VMP1: variants seen among roughly 807,000 people sequenced by gnomAD.
The protein encoded by VMP1 is vacuole membrane protein 1, also known as ectopic P-granules autophagy protein 3 homolog.
Under a neutral mutation model 56.0 loss-of-function variants are expected in VMP1, and 11 were observed. That is an observed-to-expected ratio of 0.20 (90% CI 0.12 to 0.32). The LOEUF is 0.32. Ranked by LOEUF, VMP1 falls within the 10% of genes least tolerant of loss-of-function variation. The pLI, the probability that VMP1 is intolerant of heterozygous loss-of-function variation, is 1.00. For synonymous variants in VMP1, 149 were observed against 165.0 expected (o/e 0.90, Z 0.74); for missense variants, 296 against 490.3 (o/e 0.60, Z 3.74).
intron 1 of VMP1, among the ~76,000 whole-genome samples, chr17:59,722,938 A>T (rs540514953): frequency 3.3e-4 from 51 of 152,278 alleles, no homozygotes; most frequent in African/African-American, 1.2e-3. Flanking sequence ...CTCTTACATT[A>T]CCTCACTTTT....
At chr17:59,791,027 A>G (rs1378750776) in intron 7 of VMP1, among the ~76,000 whole-genome samples, 1 of 152,194 alleles carries the variant, frequency 6.6e-6, no homozygotes, top group Non-Finnish European at 1.5e-5. Flanking sequence ...GCATGAAATC[A>G]TAACTTCGCA....
intron 7 of VMP1, among the ~76,000 whole-genome samples, chr17:59,775,290 T>C (rs968951597): frequency 6.6e-6 from 1 of 151,748 alleles, no homozygotes; most frequent in South Asian, 2.1e-4. Context: ...TGGCGTATGC[T>C]TGTAGTCCTA....
Position 59,831,683 on chromosome 17 carries a change from C to G in VMP1, c.975-6612C>G, listed in dbSNP as rs1598460025. Among the ~76,000 whole-genome samples, 3 of 133,098 alleles carry G rather than the reference C, an allele frequency of 2.3e-5. No homozygotes were observed. The South Asian group carries it at 6.9e-4, about 31-fold the overall frequency. The allele number at this position is 133,098 out of a possible 152,430, so 87.3% of individuals were successfully genotyped here. ...TTGTCTTAGGTCTGTTTAACAGATT[C>G]TAGGTATGTAAGCATGGGAAAATAT... On this transcript the variant is annotated intron_variant, in intron 10 of 11. Transcript: ENST00000262291.
At chr17:59,839,704 C>T in intron 11 of VMP1, 64 bp from the exon 12 acceptor site, 1 of 1,535,872 alleles carries the variant, frequency 6.5e-7, no homozygotes, top group Non-Finnish European at 8.7e-7. Context: ...TATAGATGAT[C>T]CTCTTTTTAC....
chr17:59,717,781 A>G (rs1393651571), intron 1 of VMP1, among the ~76,000 whole-genome samples: 1 of 152,144 alleles, frequency 6.6e-6, no homozygotes, highest in Non-Finnish European at 1.5e-5. Flanking sequence ...TTAGCTAGGC[A>G]TGGTGGTGCG....
chr17:59,809,477 C>T (rs2037973428), intron 8 of VMP1, among the ~76,000 whole-genome samples: 1 of 141,184 alleles, frequency 7.1e-6, no homozygotes, highest in African/African-American at 2.7e-5. Context: ...GCCACCACAC[C>T]CAGCTAATTT....
At chr17:59,727,185 A>G (rs1009626357) in intron 1 of VMP1, among the ~76,000 whole-genome samples, 1 of 151,224 alleles carries the variant, frequency 6.6e-6, no homozygotes, top group Non-Finnish European at 1.5e-5. Context: ...CCCATGCTGG[A>G]GTGCAGTGGC....
At chr17:59,761,637 G>A (rs1375399231) in intron 5 of VMP1, among the ~76,000 whole-genome samples, 4 of 152,196 alleles carry the variant, frequency 2.6e-5, no homozygotes, top group Admixed American at 1.3e-4. Flanking sequence ...CTAGCTGGTT[G>A]ATCACAAATG....
At chr17:59,824,897 G>A (rs1196922433) in intron 10 of VMP1, among the ~76,000 whole-genome samples, 2 of 135,376 alleles carry the variant, frequency 1.5e-5, no homozygotes, top group African/African-American at 5.5e-5. Context: ...AAAAAAAATT[G>A]GCTAGGCATG....
chr17:59,731,543 G>T, intron 2 of VMP1, 21 bp downstream of exon 2: 1 of 1,556,960 alleles, frequency 6.4e-7, no homozygotes, highest in Non-Finnish European at 8.7e-7. Flanking sequence ...ATGGTTTGCA[G>T]GGAGGAGTGC....
At chr17:59,773,605 T>G in intron 6 of VMP1, 149 bp from the exon 7 acceptor site, 1 of 708,108 alleles carries the variant, frequency 1.4e-6, no homozygotes, top group South Asian at 2.8e-5. Context: ...GATTCAAACT[T>G]TTATTATTTT....
At chr17:59,750,594 G>A (rs1598336930) in intron 5 of VMP1, among the ~76,000 whole-genome samples, 3 of 152,200 alleles carry the variant, frequency 2.0e-5, no homozygotes, top group South Asian at 4.1e-4. Context: ...GAGCCACCAC[G>A]CCCAGCCCAC....
intron 7 of VMP1, among the ~76,000 whole-genome samples, chr17:59,788,107 G>T (rs541896776): frequency 3.3e-5 from 5 of 152,288 alleles, no homozygotes; most frequent in Middle Eastern, 6.8e-3. Context: ...ATGAAAATAC[G>T]AGGTTAATGC....
At chr17:59,751,028 G>A (rs1268910086) in intron 5 of VMP1, among the ~76,000 whole-genome samples, 1 of 150,162 alleles carries the variant, frequency 6.7e-6, no homozygotes, top group Non-Finnish European at 1.5e-5. Flanking sequence ...CGCCTCCTGG[G>A]TTCACGCCAT....
chr17:59,777,839 A>AAAACC (rs1274124860), intron 7 of VMP1, among the ~76,000 whole-genome samples: 2 of 151,950 alleles, frequency 1.3e-5, no homozygotes, highest in Admixed American at 1.3e-4. Flanking sequence ...AAAACAAAAC[A>AAAACC]AAACAAAACA....
At chr17:59,779,096 G>T (rs1379321733) in intron 7 of VMP1, among the ~76,000 whole-genome samples, 2 of 152,204 alleles carry the variant, frequency 1.3e-5, no homozygotes, top group Non-Finnish European at 2.9e-5. Flanking sequence ...ATGCATTTTT[G>T]ATTTACGATA....
At chr17:59,780,385 G>A (rs1328955433) in intron 7 of VMP1, among the ~76,000 whole-genome samples, 1 of 152,180 alleles carries the variant, frequency 6.6e-6, no homozygotes, top group African/African-American at 2.4e-5. Flanking sequence ...GAGGTCAGGA[G>A]TTCGAGACCA....
At chr17:59,758,466 C>A (rs570551260) in intron 5 of VMP1, among the ~76,000 whole-genome samples, 1 of 152,186 alleles carries the variant, frequency 6.6e-6, no homozygotes, top group East Asian at 1.9e-4. Context: ...GCAGGAGGAT[C>A]CCTTGAACTG....
chr17:59,829,915 G>A (rs888832806), intron 10 of VMP1, among the ~76,000 whole-genome samples: 8 of 152,106 alleles, frequency 5.3e-5, no homozygotes, highest in African/African-American at 1.9e-4. Flanking sequence ...TTCTATATAG[G>A]AGTCTACTCC....
Sources: allele counts gnomAD v4.1 joint callset (sites outside exome capture counted in the v4.1 genomes callset), GRCh38; gene constraint gnomAD v4.1.1; transcripts MANE v1.5; gene names NCBI Gene and HGNC (gene_info 2026-07-23, HGNC 2026-07-21).